Variants in THSD4 observed in about 807,000 individuals in gnomAD.
THSD4 encodes thrombospondin type-1 domain-containing protein 4.
A neutral mutation model predicts 119.0 loss-of-function variants in THSD4; 69 were observed. That is an observed-to-expected ratio of 0.58 (90% CI 0.48 to 0.71). THSD4 has a LOEUF of 0.71. THSD4 is among the 30% of genes least tolerant of loss of function. THSD4 has a pLI of 0.00. For missense variants in THSD4, 1,393 were observed against 1,391.1 expected (o/e 1.00, Z -0.02); for synonymous variants, 524 against 540.4 (o/e 0.97, Z 0.42).
At chr15:71,629,406 A>G (rs2050575803) in intron 7 of THSD4, among the ~76,000 whole-genome samples, 1 of 152,058 alleles carries the variant, frequency 6.6e-6, no homozygotes, top group Non-Finnish European at 1.5e-5. Flanking sequence ...GGCAGTGTGG[A>G]CCCTGCTTCA....
intron 7 of THSD4, among the ~76,000 whole-genome samples, chr15:71,651,644 C>T (rs2051092234): frequency 7.8e-6 from 1 of 128,604 alleles, no homozygotes; most frequent in Non-Finnish European, 1.7e-5. Flanking sequence ...ATATTTCACC[C>T]ACCTTTTTTT....
At chr15:71,199,454 G>T (rs28716801) in intron 3 of THSD4, among the ~76,000 whole-genome samples, 40,948 of 143,000 alleles carry the variant, frequency 0.29, 7,391 homozygotes, top group African/African-American at 0.55. Context: ...TGTGTGTGTG[G>T]GGGGGGGTGT....
intron 6 of THSD4, among the ~76,000 whole-genome samples, chr15:71,324,303 T>A (rs1034359699): frequency 1.3e-5 from 2 of 152,168 alleles, no homozygotes; most frequent in South Asian, 2.1e-4. Context: ...AATAATTTTT[T>A]AAAAATATTT....
chr15:71,431,911 ATAAAT>A (rs2046947488), intron 7 of THSD4, among the ~76,000 whole-genome samples: 1 of 152,318 alleles, frequency 6.6e-6, no homozygotes, highest in South Asian at 2.1e-4. Flanking sequence ...ACTAAGGACA[ATAAAT>A]TAAGAAGAAA....
intron 12 of THSD4, 151 bp downstream of exon 12, chr15:71,745,386 A>T (rs1453549516): frequency 2.8e-6 from 3 of 1,082,216 alleles, no homozygotes; most frequent in African/African-American, 3.2e-5. Flanking sequence ...TTTAGCAGGC[A>T]CACCTGTCTT....
intron 3 of THSD4, among the ~76,000 whole-genome samples, chr15:71,213,756 C>T (rs903333441): frequency 2.6e-5 from 4 of 152,144 alleles, no homozygotes; most frequent in African/African-American, 9.7e-5. Context: ...ACATTTTTCA[C>T]CTCTTCCAAG....
At chr15:71,393,725 G>A (rs1366471908) in intron 6 of THSD4, among the ~76,000 whole-genome samples, 3 of 152,146 alleles carry the variant, frequency 2.0e-5, no homozygotes, top group African/African-American at 7.2e-5. Context: ...TGTTTTTAGT[G>A]TGCTTAGCAC....
chr15:71,193,492 G>C lies in THSD4; in HGVS notation c.100-21543G>C, dbSNP rs572619129. ...AGATCCTCCTAGCTGCTTGGACTGT[G>C]GTTCCAGGCCCAGGTCACAGAACCT... On this transcript the variant is annotated intron_variant, in intron 3 of 17. Transcript: ENST00000261862. Among the ~76,000 whole-genome samples the C allele has an allele frequency of 2.6e-5, 4 of 152,122 alleles. No individual in the cohort carries two copies. The South Asian group carries it at 8.3e-4, about 32-fold the overall frequency.
At chr15:71,314,430 C>CGAGATTA (rs1338974813) in intron 6 of THSD4, among the ~76,000 whole-genome samples, 1 of 152,068 alleles carries the variant, frequency 6.6e-6, no homozygotes, top group Non-Finnish European at 1.5e-5. Flanking sequence ...CCTCAGCCTC[C>CGAGATTA]CAGGTAGCTG....
chr15:71,129,430 A>G (rs1014990074), intron 1 of THSD4, among the ~76,000 whole-genome samples: 2 of 152,216 alleles, frequency 1.3e-5, no homozygotes, highest in Non-Finnish European at 2.9e-5. Flanking sequence ...GGAAGAGAGC[A>G]GGTTTGTAGG....
intron 3 of THSD4, among the ~76,000 whole-genome samples, chr15:71,203,097 T>A (rs2043816333): frequency 1.3e-5 from 2 of 152,044 alleles, no homozygotes; most frequent in Non-Finnish European, 2.9e-5. Flanking sequence ...GAGAAAGGTA[T>A]GTTCATAGGC....
chr15:71,532,263 TGAGA>T (rs112859786), intron 7 of THSD4, among the ~76,000 whole-genome samples: 20 of 71,796 alleles, frequency 2.8e-4, no homozygotes, highest in South Asian at 6.9e-4. Context: ...CAACAAAGGG[TGAGA>T]GAGAGAGAGA....
intron 7 of THSD4, among the ~76,000 whole-genome samples, chr15:71,644,090 A>G (rs932221333): frequency 6.6e-6 from 1 of 152,206 alleles, no homozygotes; most frequent in Non-Finnish European, 1.5e-5. Flanking sequence ...AGCAGACATG[A>G]TTTATAGGTT....
intron 8 of THSD4, among the ~76,000 whole-genome samples, chr15:71,706,849 G>A (rs2052402577): frequency 6.6e-6 from 1 of 152,218 alleles, no homozygotes. Flanking sequence ...AAGAGGAGGA[G>A]GAGGATTAAG....
At position 71,779,651 on chromosome 15, in the gene THSD4, G is replaced by A. The variant is rs1424137311; in HGVS notation, c.*2277G>A. The A allele has an allele frequency of 6.6e-6, 1 of 152,238 alleles. No homozygotes were observed. Among genetic ancestry groups the A allele is most frequent in the African/African-American group, 2.4e-5 (1 of 41,452 alleles). The allele number at this position is 152,238 out of a possible 1,614,324, so 9.4% of individuals were successfully genotyped here. A position where few individuals can be genotyped will look rare whatever the true frequency, so the allele number is the denominator to read the frequency against. On this transcript the variant is annotated 3_prime_UTR_variant, in exon 18 of 18. Transcript: ENST00000261862. ...TTCTTCCAACTCAGGAATTCTCGTG[G>A]CTGGGCTGGGTCAGTGATGGCTTTG...
intron 7 of THSD4, among the ~76,000 whole-genome samples, chr15:71,590,565 G>T (rs184076987): frequency 2.3e-5 from 2 of 88,486 alleles, no homozygotes; most frequent in African/African-American, 6.6e-5. Flanking sequence ...CGGGTGGGTG[G>T]GGGGAGGGAG....
At chr15:71,531,216 CT>C (rs1555423823) in intron 7 of THSD4, among the ~76,000 whole-genome samples, 1 of 152,094 alleles carries the variant, frequency 6.6e-6, no homozygotes, top group Non-Finnish European at 1.5e-5. Context: ...TGGCTAAGGA[CT>C]TCTTAAATTC....
At chr15:71,391,020 C>T (rs555209077) in intron 6 of THSD4, among the ~76,000 whole-genome samples, 3 of 136,586 alleles carry the variant, frequency 2.2e-5, no homozygotes, top group African/African-American at 8.4e-5. Flanking sequence ...GCCACCATGC[C>T]GGCTAATTTT....
chr15:71,365,131 T>TTGTGTGTGTGTGTGTGTGTGTG (rs10690804), intron 6 of THSD4, among the ~76,000 whole-genome samples: 3,396 of 135,772 alleles, frequency 0.025, 121 homozygotes, highest in South Asian at 0.044. Context: ...GCCCCCCCCA[T>TTGTGTGTGTGTGTGTGTGTGTG]TGTGTGTGTG....
Sources: allele counts gnomAD v4.1 joint callset (sites outside exome capture counted in the v4.1 genomes callset), GRCh38; gene constraint gnomAD v4.1.1; transcripts MANE v1.5; gene names NCBI Gene and HGNC (gene_info 2026-07-23, HGNC 2026-07-21).